The following DNAJC10 variants were observed in gnomAD, a reference collection of about 807,000 sequenced individuals.
DNAJC10 encodes DnaJ heat shock protein family (Hsp40) member C10, also known as endoplasmic reticulum disulfide reductase DNAJC10.
A neutral mutation model predicts 115.0 loss-of-function variants in DNAJC10; 101 were observed. The ratio of observed to expected loss-of-function variants is 0.88; its 90% CI spans 0.75 to 1.04. The LOEUF (loss-of-function observed/expected upper bound fraction) is 1.04, where lower values mean the gene tolerates loss of function less well. Ranked by LOEUF, DNAJC10 falls within the 50% of genes least tolerant of loss-of-function variation. The probability of loss-of-function intolerance (pLI) is 0.00; values close to 1 mark genes in which losing one functional copy is unlikely to be tolerated. For synonymous variants in DNAJC10, 307 were observed against 301.5 expected, an observed-to-expected ratio of 1.02 and a Z score of -0.19; for missense variants, 981 against 928.8, an observed-to-expected ratio of 1.06 and a Z score of -0.73.
Position 182,784,230 on chromosome 2 carries a change from C to T in DNAJC10, c.*7098C>T, listed in dbSNP as rs1020975402. 8 of 151,984 alleles carry T rather than the reference C, an allele frequency of 5.3e-5. No individual in the cohort carries two copies. The highest frequency in any genetic ancestry group is 1.9e-4 in the African/African-American group (8 of 41,346). The allele number at this position is 151,984 out of a possible 1,614,324, so 9.4% of individuals were successfully genotyped here. ...TAATCATCTACCCTGGAGGCTGAGACAGGAGAATTGCATGAACCCGGAGGC... is the reference window on the plus strand; with the variant it reads ...TAATCATCTACCCTGGAGGCTGAGATAGGAGAATTGCATGAACCCGGAGGC... On this transcript the variant is annotated 3_prime_UTR_variant, in exon 24 of 24. Transcript: ENST00000264065.
chr2:182,728,886 G>C lies in DNAJC10; in HGVS notation c.525G>C (p.Val175=). The C allele has an allele frequency of 6.2e-7, 1 of 1,614,018 alleles. No individual in the cohort carries two copies. The highest frequency in any genetic ancestry group is 1.3e-5 in the African/African-American group (1 of 75,006). ...AGTGGAGAGACTTTGCTAAAGAAGT[G>C]GATGGGTTACTTCGAATTGGAGCTG... The part of the protein sequence containing the change: ...APTWRDFAKE[V]DGLLRIGAVN... The change falls in exon 7 of 24, where the codon GTG becomes GTC. Residue 175 remains valine, a synonymous_variant. Coordinates refer to ENST00000264065, the MANE Select transcript of DNAJC10 (RefSeq NM_018981.4).
rs1174192206 is a variant in DNAJC10 at position 182,793,148 on chromosome 2, A to G, written c.*16016A>G. The G allele has an allele frequency of 6.6e-6, 1 of 152,218 alleles. No homozygotes were observed. Among genetic ancestry groups the G allele is most frequent in the Non-Finnish European group, 1.5e-5 (1 of 68,112 alleles). 9.4% of individuals were successfully genotyped at this position (152,218 alleles called of 1,614,324 possible). ...GGGTAGAGCATATGAACAGAGAGAA[A>G]GGCCAGAGGACAGGCTCCAAGGCAT... On this transcript the variant is annotated 3_prime_UTR_variant, in exon 24 of 24. Transcript: ENST00000264065.
At chr2:182,717,401 C>T (rs1214370699) in intron 2 of DNAJC10, among the ~76,000 whole-genome samples, 5 of 152,198 alleles carry the variant, frequency 3.3e-5, no homozygotes, top group Admixed American at 6.5e-5. Context: ...GAGGAAACTC[C>T]GGGAAGAAGA....
In DNAJC10 at chr2:182,743,634, T is replaced by C. The variant is rs1188440950; in HGVS notation, c.1228T>C (p.Cys410Arg). ...TGACTGTTCCTCTGCACCAGACATC[T>C]GTAGTAATCTGTATGTTTTTCAGCC... is the stretch of plus-strand genomic sequence containing the variant. ...RFDCSSAPDICSNLYVFQPSL... is the reference protein window; with the variant it reads ...RFDCSSAPDIRSNLYVFQPSL... Residue 410 changes from cysteine to arginine, a missense_variant, in exon 14 of 24, where the codon TGT becomes CGT. Transcript: ENST00000264065. The C allele has an allele frequency of 2.5e-6, 4 of 1,613,768 alleles. No individual in the cohort carries two copies. The highest frequency in any genetic ancestry group is 3.4e-6 in the Non-Finnish European group (4 of 1,179,822).
At chr2:182,764,430 A>C (rs1694360818) in intron 22 of DNAJC10, among the ~76,000 whole-genome samples, 1 of 152,158 alleles carries the variant, frequency 6.6e-6, no homozygotes, top group Non-Finnish European at 1.5e-5. Flanking sequence ...TTATTTTTCA[A>C]GTATGAGACA....
intron 22 of DNAJC10, among the ~76,000 whole-genome samples, chr2:182,767,879 C>G (rs75231117): frequency 1.3e-5 from 2 of 152,196 alleles, no homozygotes; most frequent in Admixed American, 1.3e-4. Context: ...CACTACACTC[C>G]GTATCCTGTT....
intron 10 of DNAJC10, among the ~76,000 whole-genome samples, chr2:182,733,814 T>TAGAC (rs1431382972): frequency 2.0e-5 from 3 of 151,028 alleles, no homozygotes; most frequent in Admixed American, 6.6e-5. Context: ...GATAGATAGA[T>TAGAC]AGATAGATAG....
intron 9 of DNAJC10, 74 bp from the exon 10 acceptor site, chr2:182,732,425 G>A (rs1277877266): frequency 1.4e-6 from 2 of 1,424,386 alleles, no homozygotes; most frequent in East Asian, 2.3e-5. Flanking sequence ...GTAATTTGGG[G>A]GAAAGGCAAA....
At chr2:182,762,019 A>G (rs143698764) in intron 21 of DNAJC10, among the ~76,000 whole-genome samples, 34 of 152,230 alleles carry the variant, frequency 2.2e-4, no homozygotes, top group African/African-American at 7.9e-4. Context: ...AAGAAGACCA[A>G]AAAGTGCCCA....
intron 14 of DNAJC10, among the ~76,000 whole-genome samples, chr2:182,748,565 T>TAA (rs1693932708): frequency 6.6e-6 from 1 of 152,204 alleles, no homozygotes; most frequent in African/African-American, 2.4e-5. Flanking sequence ...TTCTGTGGGA[T>TAA]TGGTGGTGAT....
Position 182,763,937 on chromosome 2 carries a change from A to G in DNAJC10, c.2265+1136A>G, listed in dbSNP as rs77850329. Among the ~76,000 whole-genome samples the G allele has an allele frequency of 6.4e-3, 972 of 152,276 alleles. 12 individuals carry two copies. Among genetic ancestry groups the G allele is most frequent in the Middle Eastern group, 0.031 (9 of 294 alleles). ...TGCATATGTTTAACCCAGACAACCA[A>G]GTGTTGGGGTTTAACCAATGAAAAC... On this transcript the variant is annotated intron_variant, in intron 22 of 23. Transcript: ENST00000264065.
Position 182,786,124 on chromosome 2 carries a change from TTTAA to T in DNAJC10, c.*8995_*8998del, listed in dbSNP as rs1169012018. 1 of 152,196 alleles carries T rather than the reference TTTAA, an allele frequency of 6.6e-6. No homozygotes were observed. The highest frequency in any genetic ancestry group is 1.5e-5 in the Non-Finnish European group (1 of 68,034). The allele number at this position is 152,196 out of a possible 1,614,324, so 9.4% of individuals were successfully genotyped here. A position where few individuals can be genotyped will look rare whatever the true frequency, so the allele number is the denominator to read the frequency against. On this transcript the variant is annotated 3_prime_UTR_variant, in exon 24 of 24. Transcript: ENST00000264065. ...TCCATGATACAGTTTTAATAACAGT[TTTAA>T]TTTCAGAAACGCAAAATATTGTTTT... is the stretch of plus-strand genomic sequence containing the variant.
chr2:182,732,776 A>G (rs966443349), intron 10 of DNAJC10: 6 of 510,374 alleles, frequency 1.2e-5, no homozygotes, highest in Admixed American at 7.9e-5. Flanking sequence ...GTATTCTGTA[A>G]TTTATAAGTT....
chr2:182,754,163 C>G (rs983031316), intron 16 of DNAJC10, among the ~76,000 whole-genome samples: 5 of 152,130 alleles, frequency 3.3e-5, no homozygotes, highest in African/African-American at 1.2e-4. Flanking sequence ...AAATAATGCT[C>G]AACACATAGT....
At chr2:182,746,685 G>A (rs1193045200) in intron 14 of DNAJC10, among the ~76,000 whole-genome samples, 1 of 152,126 alleles carries the variant, frequency 6.6e-6, no homozygotes, top group Non-Finnish European at 1.5e-5. Context: ...TAGGTTGCCT[G>A]TTCACTCTGA....
At chr2:182,734,630 T>C (rs1216472658) in intron 10 of DNAJC10, among the ~76,000 whole-genome samples, 1 of 151,890 alleles carries the variant, frequency 6.6e-6, no homozygotes, top group Non-Finnish European at 1.5e-5. Context: ...AATTTTATTG[T>C]CTGCCTATTC....
Position 182,782,178 on chromosome 2 carries a change from TC to T in DNAJC10, c.*5049del, listed in dbSNP as rs1694862617. The T allele has an allele frequency of 6.6e-6, 1 of 152,220 alleles. No homozygotes were observed. The highest frequency in any genetic ancestry group is 6.5e-5 in the Admixed American group (1 of 15,280). The allele number at this position is 152,220 out of a possible 1,614,324, so 9.4% of individuals were successfully genotyped here. ...TTTTCTACATGTGGCTAGCCTGTTTTCCCAACATCATTTATTAAATAGGGAA... is the reference window on the plus strand; with the variant it reads ...TTTTCTACATGTGGCTAGCCTGTTTTCCAACATCATTTATTAAATAGGGAA... On this transcript the variant is annotated 3_prime_UTR_variant, in exon 24 of 24. Transcript: ENST00000264065.
chr2:182,728,417 T>C (rs1446047216), intron 5 of DNAJC10, among the ~76,000 whole-genome samples, 159 bp from the exon 6 acceptor site: 1 of 152,232 alleles, frequency 6.6e-6, no homozygotes, highest in Non-Finnish European at 1.5e-5. Context: ...ATGTCATTTA[T>C]GTAGAAGATA....
rs1452200416 is a variant in DNAJC10, at chr2:182,783,977, A to C, written c.*6845A>C. 6.6e-6 allele frequency: 1 copy of C among 152,244 alleles called. No individual in the cohort carries two copies. The highest frequency in any genetic ancestry group is 1.5e-5 in the Non-Finnish European group (1 of 68,040). 9.4% of individuals were successfully genotyped at this position (152,244 alleles called of 1,614,324 possible). The stretch of plus-strand genomic sequence containing the variant: ...TAATCCTATCAAGTTAATTTGTAAT[A>C]AATTCAAGATGCAAAAAGAAAACCT... On this transcript the variant is annotated 3_prime_UTR_variant, in exon 24 of 24. Transcript: ENST00000264065.
Sources: allele counts gnomAD v4.1 joint callset (sites outside exome capture counted in the v4.1 genomes callset), GRCh38; gene constraint gnomAD v4.1.1; transcripts MANE v1.5; gene names NCBI Gene and HGNC (gene_info 2026-07-23, HGNC 2026-07-21).